The following SNX25 variants were observed in gnomAD, a reference collection of about 807,000 sequenced individuals.
The protein encoded by SNX25 is sorting nexin-25.
Under a neutral mutation model 113.7 loss-of-function variants are expected in SNX25, and 62 were observed. That is an observed-to-expected ratio of 0.55 (90% CI 0.44 to 0.67). The LOEUF is 0.67. Among genes scored for constraint, SNX25 ranks in the 30% least tolerant of loss-of-function variants. The pLI is 0.00. For missense variants in SNX25, 1,014 were observed against 1,161.0 expected (o/e 0.87, Z 1.84); for synonymous variants, 421 against 436.2 (o/e 0.97, Z 0.43).
chr4:185,377,270 G>A, the SNX25 span: 94,795 of 395,812 alleles, frequency 0.24, 12,700 homozygotes, highest in African/African-American at 0.42. Flanking sequence ...GTAAATCTCA[G>A]CACTCTGGGA....
At chr4:185,348,213 C>A (rs2095297713) in intron 13 of SNX25, among the ~76,000 whole-genome samples, 1 of 152,090 alleles carries the variant, frequency 6.6e-6, no homozygotes, top group Admixed American at 6.6e-5. Context: ...CCCTGAAGTT[C>A]TCAGAGGCAT....
intron 4 of SNX25, among the ~76,000 whole-genome samples, chr4:185,265,103 A>T (rs1291710427): frequency 6.6e-6 from 1 of 152,090 alleles, no homozygotes. Flanking sequence ...AAGTGCTGAG[A>T]TTACAGGTGT....
chr4:185,247,240 T>C, intron 1 of SNX25, 54 bp from the exon 2 acceptor site: 1 of 1,197,062 alleles, frequency 8.4e-7, no homozygotes. Context: ...TTTTTTTTTT[T>C]ATGTGATTTA....
the SNX25 span, among the ~76,000 whole-genome samples, chr4:185,376,043 T>A: frequency 3.3e-5 from 5 of 151,922 alleles, no homozygotes; most frequent in Admixed American, 2.0e-4. Flanking sequence ...TGAAAGACAG[T>A]CAGTCCCTTT....
At chr4:185,231,435 C>T (rs1037259600) in intron 1 of SNX25, among the ~76,000 whole-genome samples, 108 of 151,606 alleles carry the variant, frequency 7.1e-4, no homozygotes, top group African/African-American at 2.4e-3. Context: ...ATTGGCCGGA[C>T]GCGGTGGCTC....
downstream of SNX25, chr4:185,370,798 C>T: frequency 6.2e-7 from 1 of 1,614,062 alleles, no homozygotes; most frequent in Non-Finnish European, 8.5e-7. Context: ...TCGTGAACCT[C>T]ATCATAGTCA....
chr4:185,300,049 G>C (rs949057832), intron 6 of SNX25, among the ~76,000 whole-genome samples: 5 of 152,118 alleles, frequency 3.3e-5, no homozygotes, highest in Non-Finnish European at 5.9e-5. Flanking sequence ...TAACTAAGTA[G>C]TTTTAGAATT....
At chr4:185,286,938 T>C (rs1751424400) in intron 5 of SNX25, among the ~76,000 whole-genome samples, 1 of 152,222 alleles carries the variant, frequency 6.6e-6, no homozygotes, top group Admixed American at 6.5e-5. Flanking sequence ...ATGTATGTAA[T>C]TGTGTGCTCT....
At chr4:185,228,774 G>A (rs1031529920) in intron 1 of SNX25, among the ~76,000 whole-genome samples, 5 of 152,178 alleles carry the variant, frequency 3.3e-5, no homozygotes, top group East Asian at 1.9e-4. Flanking sequence ...GAGCAGAACC[G>A]TTTATTGGGC....
At chr4:185,309,992 C>T (rs1428420490) in intron 6 of SNX25, among the ~76,000 whole-genome samples, 8 of 152,324 alleles carry the variant, frequency 5.3e-5, no homozygotes, top group South Asian at 2.1e-4. Context: ...TTCAGTTCCT[C>T]GAAAGCTCTG....
At chr4:185,370,944 G>A (rs2095412676), downstream of SNX25, 2 of 997,206 alleles carry the variant, frequency 2.0e-6, no homozygotes, top group Non-Finnish European at 3.0e-6. Context: ...TAAGTTGTTT[G>A]CTGTGTGGGG....
In SNX25 at chr4:185,355,612, T is replaced by TACA. The variant is rs2095335439; in HGVS notation, c.2584+2011_2584+2012insCAA. 3.3e-5 allele frequency among the ~76,000 whole-genome samples: 5 copies of TACA among 152,366 alleles called. No homozygotes were observed. The South Asian group carries it at 1.0e-3, about 32-fold the overall frequency. On this transcript the variant is annotated intron_variant, in intron 15 of 18. Coordinates refer to ENST00000652585, the MANE Select transcript of SNX25 (RefSeq NM_001378034.2). ...TAAATTTTAGAAATGGAAGATAACT[T>TACA]ATTTAAGAAATATCTATATGATGGA...
chr4:185,284,582 G>GA (rs906761518), intron 5 of SNX25, among the ~76,000 whole-genome samples: 4 of 151,966 alleles, frequency 2.6e-5, no homozygotes, highest in East Asian at 1.9e-4. Context: ...TTCATAGGGA[G>GA]AAAAAAAACG....
chr4:185,376,827 A>G, the SNX25 span: 1 of 936,404 alleles, frequency 1.1e-6, no homozygotes, highest in Non-Finnish European at 1.7e-6. Context: ...ATAACACAGT[A>G]AGAAACTCTA....
intron 1 of SNX25, among the ~76,000 whole-genome samples, chr4:185,240,404 C>A (rs76605990): frequency 7.1e-6 from 1 of 141,712 alleles, no homozygotes; most frequent in Non-Finnish European, 1.6e-5. Context: ...GGCTGACCCC[C>A]CCACCTCCCT....
chr4:185,338,133 A>G lies in SNX25; in HGVS notation c.1915-1246A>G, dbSNP rs1579843363. Among the ~76,000 whole-genome samples the G allele has an allele frequency of 2.6e-5, 4 of 152,282 alleles. 1 individual carries two copies. The highest frequency in any genetic ancestry group is 1.9e-4 in the East Asian group (1 of 5,180). ...CGTGGTTTGCATTTTTACTATATCA[A>G]TAGTGTTCTTTGATGCACAGAGTTT... On this transcript the variant is annotated intron_variant, in intron 10 of 18. Coordinates refer to ENST00000652585, the MANE Select transcript of SNX25 (RefSeq NM_001378034.2).
intron 11 of SNX25, 47 bp downstream of exon 11, chr4:185,339,557 T>TA (rs759165960): frequency 6.3e-7 from 1 of 1,579,746 alleles, no homozygotes; most frequent in Non-Finnish European, 8.6e-7. Flanking sequence ...AAGTTTGACT[T>TA]TATTAAAAAA....
intron 2 of SNX25, among the ~76,000 whole-genome samples, chr4:185,251,595 T>TTG (rs1251669374): frequency 9.8e-4 from 123 of 125,198 alleles, no homozygotes; most frequent in African/African-American, 4.1e-3. Context: ...TGATATTCCA[T>TTG]TGCGTGTGTG....
chr4:185,289,406 C>T (rs1001432084), intron 6 of SNX25, among the ~76,000 whole-genome samples: 2 of 152,150 alleles, frequency 1.3e-5, no homozygotes, highest in African/African-American at 4.8e-5. Flanking sequence ...GGGAAGACCT[C>T]ACTCAGATGG....
Sources: allele counts gnomAD v4.1 joint callset (sites outside exome capture counted in the v4.1 genomes callset), GRCh38; gene constraint gnomAD v4.1.1; transcripts MANE v1.5; gene names NCBI Gene and HGNC (gene_info 2026-07-23, HGNC 2026-07-21).